Variants in CPPED1 observed in about 807,000 individuals in gnomAD.
The protein encoded by CPPED1 is calcineurin like phosphoesterase domain containing 1.
Under a neutral mutation model 28.0 loss-of-function variants are expected in CPPED1, and 28 were observed. The ratio of observed to expected loss-of-function variants is 1.00; its 90% CI spans 0.74 to 1.37. The LOEUF (loss-of-function observed/expected upper bound fraction) is 1.37. Among genes scored for constraint, CPPED1 ranks in the 40% most tolerant of loss-of-function variants. The pLI is 0.00. For synonymous variants in CPPED1, 198 were observed against 180.2 expected, an observed-to-expected ratio of 1.10 and a Z score of -0.79; for missense variants, 504 against 416.5, an observed-to-expected ratio of 1.21 and a Z score of -1.83.
intron 3 of CPPED1, among the ~76,000 whole-genome samples, chr16:12,689,230 T>C (rs2079949556): frequency 6.8e-6 from 1 of 148,076 alleles, no homozygotes; most frequent in Non-Finnish European, 1.5e-5. Flanking sequence ...TTTTTTTTTT[T>C]TTTTTTTTTT....
At chr16:12,790,244 C>T (rs2080588288) in intron 1 of CPPED1, among the ~76,000 whole-genome samples, 3 of 152,222 alleles carry the variant, frequency 2.0e-5, no homozygotes, top group African/African-American at 4.8e-5. Context: ...CTTTTAAAAT[C>T]ACAAACTAAA....
At chr16:12,718,834 G>A (rs1176673731) in intron 2 of CPPED1, among the ~76,000 whole-genome samples, 2 of 152,094 alleles carry the variant, frequency 1.3e-5, no homozygotes, top group African/African-American at 2.4e-5. Flanking sequence ...GTAGTGGCAT[G>A]CACCAATAAT....
At chr16:12,721,831 T>G (rs2080142525) in intron 2 of CPPED1, among the ~76,000 whole-genome samples, 1 of 151,980 alleles carries the variant, frequency 6.6e-6, no homozygotes, top group African/African-American at 2.4e-5. Context: ...GCAGAGCTGC[T>G]AAGATTCTAC....
At chr16:12,731,775 A>G (rs144744112) in intron 2 of CPPED1, among the ~76,000 whole-genome samples, 4 of 151,360 alleles carry the variant, frequency 2.6e-5, no homozygotes, top group Non-Finnish European at 5.9e-5. Flanking sequence ...GCCAAGGACC[A>G]TTAGATGTAT....
At chr16:12,776,629 T>C (rs2080499398) in intron 2 of CPPED1, among the ~76,000 whole-genome samples, 1 of 152,156 alleles carries the variant, frequency 6.6e-6, no homozygotes, top group Non-Finnish European at 1.5e-5. Context: ...CCATATAAGA[T>C]GTGCCTTTCA....
rs539187795 is a variant in CPPED1, at chr16:12,767,168, G to C, written c.289+14017C>G. 2.0e-5 allele frequency among the ~76,000 whole-genome samples: 3 copies of C among 152,260 alleles called. No individual in the cohort carries two copies. In the South Asian group the frequency reaches 6.2e-4, roughly 32 times the overall value. On this transcript the variant is annotated intron_variant, in intron 2 of 3. Transcript: ENST00000381774. ...ATATGTAAGCCGGGGGTTTCATTCA[G>C]TCTAAATCCAAAGGCCTGAGAATCA...
At chr16:12,735,393 C>T (rs1326212088) in intron 2 of CPPED1, among the ~76,000 whole-genome samples, 1 of 152,220 alleles carries the variant, frequency 6.6e-6, no homozygotes, top group African/African-American at 2.4e-5. Flanking sequence ...CTGGGTTCAA[C>T]TGATTCTCCC....
At chr16:12,702,758 G>A (rs2080027072) in intron 3 of CPPED1, among the ~76,000 whole-genome samples, 1 of 151,516 alleles carries the variant, frequency 6.6e-6, no homozygotes, top group Admixed American at 6.6e-5. Flanking sequence ...AGCACTTTGG[G>A]AGGCCGAGGT....
At chr16:12,759,222 C>T (rs1166241751) in intron 2 of CPPED1, 1 of 144,558 alleles carries the variant, frequency 6.9e-6, no homozygotes, top group East Asian at 2.0e-4. Flanking sequence ...AGATTTAAAG[C>T]AGAAGCAGTC....
chr16:12,793,740 T>C (rs144504493), intron 1 of CPPED1, among the ~76,000 whole-genome samples: 1 of 152,182 alleles, frequency 6.6e-6, no homozygotes, highest in African/African-American at 2.4e-5. Context: ...GACTCACCTA[T>C]CTCTTGGTTC....
At chr16:12,705,530 C>T (rs551395062) in intron 2 of CPPED1, among the ~76,000 whole-genome samples, 63 of 152,164 alleles carry the variant, frequency 4.1e-4, no homozygotes, top group African/African-American at 1.4e-3. Context: ...GGCCGAGGCA[C>T]GTGGATCACC....
intron 2 of CPPED1, among the ~76,000 whole-genome samples, chr16:12,720,889 C>A (rs1454754080): frequency 6.6e-6 from 1 of 152,146 alleles, no homozygotes. Context: ...TTCATTTATC[C>A]CTCAGTTAAA....
At chr16:12,746,805 A>T (rs1023413311) in intron 2 of CPPED1, among the ~76,000 whole-genome samples, 3 of 152,184 alleles carry the variant, frequency 2.0e-5, no homozygotes, top group South Asian at 4.1e-4. Context: ...TAATACGCAA[A>T]GTGGGGTGAT....
intron 3 of CPPED1, among the ~76,000 whole-genome samples, chr16:12,685,401 G>T (rs1477970187): frequency 6.6e-6 from 1 of 152,214 alleles, no homozygotes; most frequent in Non-Finnish European, 1.5e-5. Context: ...AGTGAGCCGA[G>T]ATCATGCCAC....
chr16:12,684,391 T>A (rs552963151), intron 3 of CPPED1, among the ~76,000 whole-genome samples: 1 of 152,202 alleles, frequency 6.6e-6, no homozygotes, highest in East Asian at 1.9e-4. Context: ...CTTCGTCAAG[T>A]AAAATTTGAG....
rs529007917 is a variant in CPPED1, at chr16:12,704,964, G to A, written c.375C>T (p.Ser125=). The stretch of plus-strand genomic sequence containing the variant: ...GGGTGTTGCCAATGTCATGGTTGCC[G>A]CTGACAAGGACCAGTGGGATGGCCC... ...VDRAIPLVLV[S]GNHDIGNTPT... The change falls in exon 3 of 4, where the codon AGC becomes AGT. Residue 125 remains serine, a synonymous_variant. Coordinates refer to ENST00000381774, the MANE Select transcript of CPPED1 (RefSeq NM_018340.3). The A allele has an allele frequency of 3.1e-6, 5 of 1,614,180 alleles. No homozygotes were observed. The African/African-American group carries it at 4.0e-5, about 13-fold the overall frequency.
intron 2 of CPPED1, chr16:12,760,848 G>A (rs904458098): frequency 6.6e-6 from 1 of 152,180 alleles, no homozygotes; most frequent in Non-Finnish European, 1.5e-5. Context: ...TGTGGCCCAG[G>A]GCTGGCAGGA....
At chr16:12,680,813 G>A (rs1038461054) in intron 3 of CPPED1, among the ~76,000 whole-genome samples, 14 of 152,124 alleles carry the variant, frequency 9.2e-5, no homozygotes, top group African/African-American at 3.4e-4. Context: ...ATGGGTCCAC[G>A]TGCTCCTGGG....
At chr16:12,704,424 GT>G (rs1198661236) in intron 3 of CPPED1, among the ~76,000 whole-genome samples, 199 bp downstream of exon 3, 1 of 152,150 alleles carries the variant, frequency 6.6e-6, no homozygotes, top group Non-Finnish European at 1.5e-5. Context: ...TACTATTCCT[GT>G]TTTATAGACG....
Sources: allele counts gnomAD v4.1 joint callset (sites outside exome capture counted in the v4.1 genomes callset), GRCh38; gene constraint gnomAD v4.1.1; transcripts MANE v1.5; gene names NCBI Gene and HGNC (gene_info 2026-07-23, HGNC 2026-07-21).